LRRK1: variants seen among roughly 807,000 people sequenced by gnomAD.
LRRK1 encodes the protein leucine-rich repeat serine/threonine-protein kinase 1.
Under a neutral mutation model 209.1 loss-of-function variants are expected in LRRK1, and 113 were observed. The observed-to-expected ratio is 0.54, with a 90% CI of 0.46 to 0.63. LRRK1 has a LOEUF of 0.63. Ranked by LOEUF, LRRK1 falls within the 30% of genes least tolerant of loss-of-function variation. The pLI, the probability that LRRK1 is intolerant of heterozygous loss-of-function variation, is 0.00. For missense variants in LRRK1, 2,284 were observed against 2,632.2 expected (o/e 0.87, Z 2.89); for synonymous variants, 1,144 against 1,099.7 (o/e 1.04, Z -0.80).
intron 2 of LRRK1, among the ~76,000 whole-genome samples, chr15:100,954,471 T>C (rs2042714946): frequency 6.6e-6 from 1 of 152,202 alleles, no homozygotes; most frequent in African/African-American, 2.4e-5. Flanking sequence ...TTTTGTTGAT[T>C]GTTTCCTTTG....
chr15:100,948,774 C>T (rs554501494), intron 2 of LRRK1, among the ~76,000 whole-genome samples: 7 of 152,106 alleles, frequency 4.6e-5, no homozygotes, highest in African/African-American at 9.6e-5. Flanking sequence ...TATTAAAGAA[C>T]GAATGTGTTA....
At chr15:101,057,824 T>A (rs897828950) in intron 28 of LRRK1, among the ~76,000 whole-genome samples, 166 bp from the exon 29 acceptor site, 4 of 152,200 alleles carry the variant, frequency 2.6e-5, no homozygotes, top group Admixed American at 1.3e-4. Context: ...CCTGGATGGG[T>A]TTGCTCCTGA....
chr15:100,932,441 T>C (rs1480623204), intron 2 of LRRK1, among the ~76,000 whole-genome samples: 1 of 152,250 alleles, frequency 6.6e-6, no homozygotes, highest in Non-Finnish European at 1.5e-5. Context: ...CCACATCTGG[T>C]GTGAATCCAA....
chr15:101,062,877 CA>C (rs1398158922), intron 31 of LRRK1, among the ~76,000 whole-genome samples, 187 bp downstream of exon 31: 1 of 152,188 alleles, frequency 6.6e-6, no homozygotes, highest in Non-Finnish European at 1.5e-5. Context: ...TTCCGGTTTG[CA>C]AAAACCTAAG....
At chr15:101,053,127 T>G in intron 25 of LRRK1, 39 bp downstream of exon 25, 1 of 1,593,214 alleles carries the variant, frequency 6.3e-7, no homozygotes, top group Non-Finnish European at 8.5e-7. Context: ...TTCTCAGACA[T>G]ATGCTGCCCG....
At chr15:101,042,888 C>A (rs1458462840) in intron 20 of LRRK1, among the ~76,000 whole-genome samples, 1 of 152,248 alleles carries the variant, frequency 6.6e-6, no homozygotes. Context: ...GATATATCTT[C>A]TGAAGTAGCT....
intron 2 of LRRK1, among the ~76,000 whole-genome samples, chr15:100,947,684 C>T (rs1162954486): frequency 6.6e-6 from 1 of 152,138 alleles, no homozygotes; most frequent in Non-Finnish European, 1.5e-5. Flanking sequence ...TTTATGTCAG[C>T]ATTGCAGAGA....
rs1181779358 is a variant in LRRK1 at position 100,926,662 on chromosome 15, TTTTTC to T, written c.97+1943_97+1947del. ...TTTTTCATTTTCTTTCTTTCTTTTC[TTTTTC>T]TTTTCTTTTTTTCTTTTTTTTTTTT... On this transcript the variant is annotated intron_variant, in intron 2 of 33. Transcript: ENST00000388948. 1.1e-4 allele frequency among the ~76,000 whole-genome samples: 16 copies of T among 149,336 alleles called. No individual in the cohort carries two copies. In the Admixed American group the frequency reaches 1.1e-3, roughly 10 times the overall value.
At chr15:101,065,235 T>C in intron 31 of LRRK1, 117 bp from the exon 32 acceptor site, 2 of 1,253,220 alleles carry the variant, frequency 1.6e-6, no homozygotes, top group Non-Finnish European at 2.2e-6. Context: ...TGAGGCGCAC[T>C]GGTGGAAAGT....
chr15:101,017,820 A>T (rs139973036), intron 12 of LRRK1, among the ~76,000 whole-genome samples: 4 of 152,184 alleles, frequency 2.6e-5, no homozygotes, highest in Admixed American at 2.0e-4. Context: ...GTGTAAAAGG[A>T]TGCTTGCGTG....
chr15:100,963,068 C>T (rs892805095), intron 2 of LRRK1, among the ~76,000 whole-genome samples: 3 of 151,326 alleles, frequency 2.0e-5, no homozygotes, highest in Non-Finnish European at 2.9e-5. Context: ...GGTAATCTGC[C>T]GGCCTCGGCC....
intron 6 of LRRK1, among the ~76,000 whole-genome samples, chr15:101,001,039 A>C (rs1307649505): frequency 6.6e-6 from 1 of 152,170 alleles, no homozygotes; most frequent in African/African-American, 2.4e-5. Context: ...TCTCTACCAG[A>C]GTGCAGGAAC....
intron 6 of LRRK1, among the ~76,000 whole-genome samples, chr15:101,006,453 G>A (rs1048266903): frequency 2.0e-5 from 3 of 151,592 alleles, no homozygotes; most frequent in Non-Finnish European, 4.4e-5. Context: ...GAAACATACA[G>A]TGTAATGCAG....
At chr15:100,968,426 T>C (rs907117829) in intron 2 of LRRK1, among the ~76,000 whole-genome samples, 4 of 152,192 alleles carry the variant, frequency 2.6e-5, no homozygotes, top group African/African-American at 9.6e-5. Context: ...GTTTCCAAAG[T>C]GATTGGACCA....
At position 100,973,913 on chromosome 15, in the gene LRRK1, C is replaced by T. The variant is rs1227404784; in HGVS notation, c.207C>T (p.Gly69=). 5 of 1,265,566 alleles carry T rather than the reference C, an allele frequency of 4.0e-6. No individual in the cohort carries two copies. Among genetic ancestry groups the T allele is most frequent in the South Asian group, 2.9e-5 (1 of 34,424 alleles). 78.4% of individuals were successfully genotyped at this position (1,265,566 alleles called of 1,614,324 possible). Residue 69 remains glycine (G), a synonymous_variant, in exon 3 of 34, where the codon GGC becomes GGT. Transcript: ENST00000388948. ...CGTACAGGCGGGGAGACCGCGGCGGCGCCCGGGACCTGCTGGAGGAGGCCT... is the reference window on the plus strand; with the variant it reads ...CGTACAGGCGGGGAGACCGCGGCGGTGCCCGGGACCTGCTGGAGGAGGCCT... ...RAAYRRGDRG[G]ARDLLEEACD...
intron 10 of LRRK1, among the ~76,000 whole-genome samples, chr15:101,012,900 C>CA (rs752165724): frequency 6.7e-6 from 1 of 149,748 alleles, no homozygotes; most frequent in Non-Finnish European, 1.5e-5. Flanking sequence ...GGGGTGCCCC[C>CA]GGGGGGGGGT....
At chr15:101,035,109 T>G (rs1304512773) in intron 20 of LRRK1, among the ~76,000 whole-genome samples, 1 of 152,090 alleles carries the variant, frequency 6.6e-6, no homozygotes, top group Non-Finnish European at 1.5e-5. Context: ...GCTCTGACCC[T>G]TATTTATTAT....
intron 26 of LRRK1, among the ~76,000 whole-genome samples, chr15:101,054,032 A>G (rs1013163331): frequency 2.0e-5 from 3 of 152,036 alleles, no homozygotes; most frequent in African/African-American, 7.2e-5. Flanking sequence ...AGGCTGGAGG[A>G]CAGTGGTGCA....
intron 11 of LRRK1, among the ~76,000 whole-genome samples, chr15:101,014,830 A>C (rs549722930): frequency 1.3e-5 from 2 of 152,212 alleles, no homozygotes; most frequent in South Asian, 4.1e-4. Flanking sequence ...ATTCTGAGGA[A>C]TTGGAGGTTA....
Sources: gnomAD v4.1 joint callset for allele counts (sites outside exome capture counted in the v4.1 genomes callset) on GRCh38, gnomAD v4.1.1 for gene constraint, MANE v1.5 for transcripts, NCBI Gene and HGNC (gene_info 2026-07-23, HGNC 2026-07-21) for gene names.